The following UBAP2 variants were observed in gnomAD, a reference collection of about 807,000 sequenced individuals.
UBAP2 encodes ubiquitin-associated protein 2.
In UBAP2, 75 loss-of-function variants were observed where a neutral mutation model predicts 139.6. The observed-to-expected ratio is 0.54, with a 90% confidence interval of 0.45 to 0.65. The LOEUF (loss-of-function observed/expected upper bound fraction) is 0.65, where lower values mean the gene tolerates loss of function less well. Among genes scored for constraint, UBAP2 ranks in the 30% least tolerant of loss-of-function variants. The pLI, the probability that UBAP2 is intolerant of heterozygous loss-of-function variation, is 0.00. For missense variants in UBAP2, 1,368 were observed against 1,369.6 expected (o/e 1.00, Z 0.02); for synonymous variants, 526 against 526.2 (o/e 1.00, Z 0.01).
At chr9:33,958,706 C>CT (rs35500529) in intron 10 of UBAP2, among the ~76,000 whole-genome samples, 1,236 of 122,736 alleles carry the variant, frequency 0.01, 12 homozygotes, top group East Asian at 0.022. Flanking sequence ...TGTGCCCGGC[C>CT]TTTTTTTTTT....
chr9:33,943,676 G>T, intron 14 of UBAP2, 87 bp from the exon 15 acceptor site: 1 of 1,301,584 alleles, frequency 7.7e-7, no homozygotes, highest in East Asian at 2.3e-5. Context: ...AAGCATTTAG[G>T]TTCCCAGGCA....
intron 6 of UBAP2, among the ~76,000 whole-genome samples, chr9:33,978,664 C>T (rs1479215430): frequency 6.6e-6 from 1 of 151,974 alleles, no homozygotes; most frequent in African/African-American, 2.4e-5. Flanking sequence ...CCTATAGTCC[C>T]AACTATTCGG....
At chr9:33,956,526 G>T (rs1219033312) in intron 10 of UBAP2, among the ~76,000 whole-genome samples, 1 of 151,932 alleles carries the variant, frequency 6.6e-6, no homozygotes, top group Non-Finnish European at 1.5e-5. Flanking sequence ...ACAGGGTTTT[G>T]CCATGTTGCC....
intron 1 of UBAP2, among the ~76,000 whole-genome samples, chr9:34,033,310 A>G (rs1195345272): frequency 6.6e-6 from 1 of 152,190 alleles, no homozygotes; most frequent in African/African-American, 2.4e-5. Flanking sequence ...GTCATTTGAA[A>G]CAACGTGGAT....
intron 2 of UBAP2, among the ~76,000 whole-genome samples, chr9:34,004,644 C>G (rs1238335286): frequency 6.6e-6 from 1 of 151,478 alleles, no homozygotes. Context: ...ATTAGCCGAG[C>G]GTGGTGGCGG....
chr9:33,983,422 T>C (rs1175499068), intron 6 of UBAP2, among the ~76,000 whole-genome samples: 1 of 152,074 alleles, frequency 6.6e-6, no homozygotes, highest in African/African-American at 2.4e-5. Flanking sequence ...TCAAATACCC[T>C]AGGAAAGAAA....
chr9:34,003,971 C>T (rs767245615), intron 2 of UBAP2, among the ~76,000 whole-genome samples: 2 of 150,190 alleles, frequency 1.3e-5, no homozygotes, highest in East Asian at 2.0e-4. Context: ...CCGCCCACCT[C>T]GGCCTCCCAA....
chr9:33,931,609 T>C (rs1011279219), intron 19 of UBAP2, among the ~76,000 whole-genome samples: 4 of 152,156 alleles, frequency 2.6e-5, no homozygotes, highest in Non-Finnish European at 5.9e-5. Context: ...AAGTGGCAGT[T>C]TGTGTGTTTT....
chr9:33,969,025 C>T (rs565958292), intron 8 of UBAP2, among the ~76,000 whole-genome samples: 30 of 152,276 alleles, frequency 2.0e-4, no homozygotes, highest in African/African-American at 5.1e-4. Context: ...TATGGCTGAA[C>T]ATTATTCCAT....
intron 6 of UBAP2, among the ~76,000 whole-genome samples, chr9:33,983,870 G>A (rs1024855883): frequency 9.9e-5 from 15 of 152,142 alleles, no homozygotes; most frequent in African/African-American, 3.6e-4. Flanking sequence ...AATTTACTAT[G>A]TGGCATATGA....
At chr9:34,022,912 T>C (rs1047339749) in intron 1 of UBAP2, among the ~76,000 whole-genome samples, 5 of 152,158 alleles carry the variant, frequency 3.3e-5, no homozygotes, top group African/African-American at 9.7e-5. Context: ...TTCTCACTGT[T>C]TATTCTCAGT....
In UBAP2 at chr9:33,941,756, C is replaced by A; in HGVS notation, c.1822G>T (p.Ala608Ser). Residue 608 changes from alanine (A) to serine (S), a missense_variant, in exon 16 of 29, where the codon GCT becomes TCT. Ala to Ser is a moderately conservative substitution (Grantham distance 99). Transcript: ENST00000379238. ...GAGGAAGACATTGCTACTGGACTAG[C>A]AGAATTCAGTGATGAGCTTGTCAGA... is the stretch of plus-strand genomic sequence containing the variant. ...CSLTSSSLNS[A>S]SPVAMSSSYD... The A allele has an allele frequency of 6.2e-7, 1 of 1,614,066 alleles. No homozygotes were observed. Among genetic ancestry groups the A allele is most frequent in the Non-Finnish European group, 8.5e-7 (1 of 1,180,000 alleles).
intron 8 of UBAP2, among the ~76,000 whole-genome samples, chr9:33,969,071 C>A (rs553630781): frequency 6.6e-6 from 1 of 150,946 alleles, no homozygotes; most frequent in South Asian, 2.1e-4. Flanking sequence ...ATACATTCAT[C>A]CATTGATAAA....
At chr9:33,945,392 G>A (rs10971811) in intron 13 of UBAP2, among the ~76,000 whole-genome samples, 20,493 of 151,928 alleles carry the variant, frequency 0.13, 1,652 homozygotes, top group Middle Eastern at 0.22. Context: ...CCAGCTACTC[G>A]GGAGGCTGAG....
intron 10 of UBAP2, among the ~76,000 whole-genome samples, chr9:33,959,691 G>A (rs759556753): frequency 1.3e-5 from 2 of 152,052 alleles, no homozygotes; most frequent in Non-Finnish European, 2.9e-5. Flanking sequence ...AAAAATATCT[G>A]TGCAATAAAG....
intron 19 of UBAP2, among the ~76,000 whole-genome samples, chr9:33,932,118 T>C (rs2130882314): frequency 6.6e-6 from 1 of 152,092 alleles, no homozygotes; most frequent in East Asian, 1.9e-4. Flanking sequence ...ATGAGGAAAA[T>C]TAAAGCTGGC....
chr9:33,953,538 G>T, intron 11 of UBAP2, 64 bp from the exon 12 acceptor site: 1 of 1,495,220 alleles, frequency 6.7e-7, no homozygotes, highest in Non-Finnish European at 9.1e-7. Flanking sequence ...ATGAATGTGA[G>T]AAGTCAATCA....
At chr9:34,014,445 A>AT (rs2131265712) in intron 2 of UBAP2, among the ~76,000 whole-genome samples, 1 of 152,064 alleles carries the variant, frequency 6.6e-6, no homozygotes, top group East Asian at 1.9e-4. Flanking sequence ...GCTGGGCAAC[A>AT]TGGTGAAACC....
At chr9:33,969,738 C>T (rs1275881615) in intron 8 of UBAP2, among the ~76,000 whole-genome samples, 2 of 149,852 alleles carry the variant, frequency 1.3e-5, no homozygotes, top group African/African-American at 4.9e-5. Flanking sequence ...TAGTGCCGGA[C>T]ACCTGTAATT....
Sources: allele counts gnomAD v4.1 joint callset (sites outside exome capture counted in the v4.1 genomes callset), GRCh38; gene constraint gnomAD v4.1.1; transcripts MANE v1.5; gene names NCBI Gene and HGNC (gene_info 2026-07-23, HGNC 2026-07-21).